The following FKBP3 variants were observed in gnomAD, a reference collection of about 807,000 sequenced individuals.
FKBP3 encodes peptidyl-prolyl cis-trans isomerase FKBP3.
Under a neutral mutation model 30.6 loss-of-function variants are expected in FKBP3, and 21 were observed. The ratio of observed to expected loss-of-function variants is 0.69; its 90% CI spans 0.49 to 0.99. The LOEUF (loss-of-function observed/expected upper bound fraction) is 0.99, where lower values mean the gene tolerates loss of function less well. Among genes scored for constraint, FKBP3 ranks in the 50% least tolerant of loss-of-function variants. The pLI is 0.00. For missense variants in FKBP3, 283 were observed against 261.6 expected, an observed-to-expected ratio of 1.08 and a Z score of -0.56; for synonymous variants, 82 against 91.3, an observed-to-expected ratio of 0.90 and a Z score of 0.58.
Position 45,130,725 on chromosome 14 carries a change from C to T in FKBP3, c.184G>A (p.Ala62Thr), listed in dbSNP as rs1209329575. The change falls in exon 2 of 7, where the codon GCC becomes ACC. Residue 62 changes from alanine (A) to threonine (T), a missense_variant. Transcript: ENST00000396062. ...KTANKDHLVT[A>T]YNHLFETKRF... ...TTAGTTTCAAAAAGATGGTTATAGG[C>T]TGTAACCAAGTGGTCCTTGTTAGCT... The T allele has an allele frequency of 1.2e-6, 2 of 1,607,632 alleles. No homozygotes were observed. The highest frequency in any genetic ancestry group is 2.2e-5 in the East Asian group (1 of 44,642).
chr14:45,117,902 A>G, intron 6 of FKBP3, 126 bp downstream of exon 6: 1 of 687,482 alleles, frequency 1.5e-6, no homozygotes, highest in South Asian at 1.7e-5. Context: ...TCTAAAGATC[A>G]GGAAGACTAG....
chr14:45,127,598 T>C (rs1885129339), intron 3 of FKBP3, among the ~76,000 whole-genome samples: 1 of 152,154 alleles, frequency 6.6e-6, no homozygotes, highest in African/African-American at 2.4e-5. Context: ...ACTGAGTATA[T>C]ATTTTATTCT....
At chr14:45,130,012 G>A in intron 2 of FKBP3, 111 bp from the exon 3 acceptor site, 1 of 527,910 alleles carries the variant, frequency 1.9e-6, no homozygotes, top group Non-Finnish European at 3.3e-6. Flanking sequence ...AATATAGGTT[G>A]TATAACACAA....
intron 1 of FKBP3, among the ~76,000 whole-genome samples, chr14:45,132,812 C>T (rs1885249777): frequency 2.0e-5 from 3 of 151,932 alleles, no homozygotes; most frequent in African/African-American, 7.3e-5. Context: ...CCACGTGGCC[C>T]AGTTTTACAT....
chr14:45,128,760 G>C (rs1352553508), intron 3 of FKBP3, among the ~76,000 whole-genome samples: 3 of 152,160 alleles, frequency 2.0e-5, no homozygotes, highest in African/African-American at 7.2e-5. Context: ...ATTGTCTCTA[G>C]CTCTTATGAA....
chr14:45,119,957 T>A (rs1036942814), intron 5 of FKBP3, among the ~76,000 whole-genome samples: 21 of 152,134 alleles, frequency 1.4e-4, no homozygotes, highest in African/African-American at 5.1e-4. Flanking sequence ...CCCAAATTGC[T>A]GCAATTACAG....
intron 1 of FKBP3, among the ~76,000 whole-genome samples, chr14:45,133,168 T>G (rs961409395): frequency 3.9e-5 from 6 of 152,120 alleles, no homozygotes; most frequent in African/African-American, 1.4e-4. Context: ...GAAAATAAAA[T>G]ATAAGCTTCT....
intron 3 of FKBP3, among the ~76,000 whole-genome samples, chr14:45,122,145 A>G (rs550153955): frequency 6.6e-6 from 1 of 152,358 alleles, no homozygotes; most frequent in East Asian, 1.9e-4. Flanking sequence ...TTGCTATAAC[A>G]GGCATATTTC....
At position 45,121,532 on chromosome 14, in the gene FKBP3, G is replaced by T; in HGVS notation, c.407C>A (p.Thr136Lys). 6.2e-7 allele frequency: 1 copy of T among 1,613,156 alleles called. No individual in the cohort carries two copies. The highest frequency in any genetic ancestry group is 1.1e-5 in the South Asian group (1 of 91,050). ...KKGDVVHCWY[T>K]GTLQDGTVFD... is the part of the protein sequence containing the mutation. ...AACAGTCCCATCTTGTAGTGTTCCTGTATACCAGCAGTGAACAACATCTCC... is the reference window on the plus strand; with the variant it reads ...AACAGTCCCATCTTGTAGTGTTCCTTTATACCAGCAGTGAACAACATCTCC... Residue 136 changes from threonine (T) to lysine (K), a missense_variant, in exon 4 of 7, where the codon ACA becomes AAA. Coordinates refer to ENST00000396062, the MANE Select transcript of FKBP3 (RefSeq NM_002013.4).
At position 45,118,191 on chromosome 14, in the gene FKBP3, T is replaced by G. The variant is rs1884897976; in HGVS notation, c.523-66A>C. The G allele has an allele frequency of 8.0e-6, 7 of 875,690 alleles. No homozygotes were observed. The East Asian group carries it at 1.7e-4, about 22-fold the overall frequency. 54.2% of individuals were successfully genotyped at this position (875,690 alleles called of 1,614,324 possible). On this transcript the variant is annotated intron_variant, in intron 5 of 6. Coordinates refer to ENST00000396062, the MANE Select transcript of FKBP3 (RefSeq NM_002013.4). ...AAAAGCACATGCAATACCAGGACAG[T>G]CAAGACAAGATTGTATGTTAAAACA...
intron 1 of FKBP3, chr14:45,131,059 CT>C (rs1594745736): frequency 3.9e-6 from 1 of 253,206 alleles, no homozygotes; most frequent in East Asian, 8.2e-5. Context: ...AAACTTTTTC[CT>C]GTCAACACTC....
chr14:45,130,607 A>G (rs1885191496), intron 2 of FKBP3, 92 bp downstream of exon 2: 2 of 714,054 alleles, frequency 2.8e-6, no homozygotes, highest in Non-Finnish European at 4.5e-6. Flanking sequence ...AAAAGCTCCA[A>G]CACATTCAAC....
intron 3 of FKBP3, among the ~76,000 whole-genome samples, chr14:45,127,570 C>A (rs780824301): frequency 6.6e-6 from 1 of 151,994 alleles, no homozygotes; most frequent in Non-Finnish European, 1.5e-5. Context: ...AAAGAAACGT[C>A]TAAATTACAC....
Position 45,131,628 on chromosome 14 carries a change from C to CAAAAAAA in FKBP3, c.109-835_109-829dup, listed in dbSNP as rs536298530. The stretch of plus-strand genomic sequence containing the variant: ...TAGGTGACAGAGCAAGACTCTGTCT[C>CAAAAAAA]AAAAAAAAAAAAAAAAAAAAAAAAA... On this transcript the variant is annotated intron_variant, in intron 1 of 6. Transcript: ENST00000396062. 1.0e-2 allele frequency among the ~76,000 whole-genome samples: 393 copies of CAAAAAAA among 39,452 alleles called. 45 individuals carry two copies. Among genetic ancestry groups the CAAAAAAA allele is most frequent in the African/African-American group, 0.033 (382 of 11,550 alleles). The allele number at this position is 39,452 out of a possible 152,430, so 25.9% of individuals were successfully genotyped here. A position where few individuals can be genotyped will look rare whatever the true frequency, so the allele number is the denominator to read the frequency against.
At chr14:45,133,706 C>T (rs896837496) in intron 1 of FKBP3, among the ~76,000 whole-genome samples, 1 of 152,038 alleles carries the variant, frequency 6.6e-6, no homozygotes, top group Non-Finnish European at 1.5e-5. Flanking sequence ...AAATGGAGAG[C>T]CTACAGTATA....
In FKBP3 at chr14:45,121,948, T is replaced by C. The variant is rs571300956; in HGVS notation, c.319-328A>G. 8.5e-5 allele frequency among the ~76,000 whole-genome samples: 13 copies of C among 152,340 alleles called. No individual in the cohort carries two copies. The South Asian group carries it at 2.7e-3, about 32-fold the overall frequency. On this transcript the variant is annotated intron_variant, in intron 3 of 6. Transcript: ENST00000396062. ...AAAAATCATTACTATTTAATTCCTA[T>C]GAAATCATAAGGCATTAAAATAAGG...
chr14:45,119,597 G>A (rs573544964), intron 5 of FKBP3, among the ~76,000 whole-genome samples: 45 of 151,346 alleles, frequency 3.0e-4, no homozygotes, highest in African/African-American at 8.7e-4. Context: ...TAGACTAGAA[G>A]AAATTTACCA....
intron 1 of FKBP3, 160 bp from the exon 2 acceptor site, chr14:45,130,960 TAAG>T: frequency 2.1e-6 from 1 of 484,804 alleles, no homozygotes; most frequent in Non-Finnish European, 3.6e-6. Flanking sequence ...ACAAAAAAAG[TAAG>T]AGATTTTTTA....
intron 3 of FKBP3, among the ~76,000 whole-genome samples, chr14:45,123,820 A>G (rs1165734006): frequency 1.3e-5 from 2 of 151,016 alleles, no homozygotes; most frequent in African/African-American, 2.4e-5. Context: ...GGGTTTCACC[A>G]TGTTAGCCAG....
Sources: allele counts gnomAD v4.1 joint callset (sites outside exome capture counted in the v4.1 genomes callset), GRCh38; gene constraint gnomAD v4.1.1; transcripts MANE v1.5; gene names NCBI Gene and HGNC (gene_info 2026-07-23, HGNC 2026-07-21).